MARCHF7: variants seen among roughly 807,000 people sequenced by gnomAD.
The protein encoded by MARCHF7 is membrane associated ring-CH-type finger 7, also known as E3 ubiquitin-protein ligase MARCHF7.
MARCHF7 carries 20 observed loss-of-function variants against 76.5 expected under a neutral mutation model. The ratio of observed to expected loss-of-function variants is 0.26; its 90% CI spans 0.18 to 0.38. The LOEUF is 0.38. MARCHF7 is among the 10% of genes least tolerant of loss of function. MARCHF7 has a pLI of 1.00. For synonymous variants in MARCHF7, 295 were observed against 293.0 expected, an observed-to-expected ratio of 1.01 and a Z score of -0.07; for missense variants, 797 against 812.9, an observed-to-expected ratio of 0.98 and a Z score of 0.24.
chr2:159,716,906 G>A (rs894941723), intron 3 of MARCHF7, among the ~76,000 whole-genome samples: 2 of 152,144 alleles, frequency 1.3e-5, no homozygotes, highest in African/African-American at 2.4e-5. Flanking sequence ...ACCACCTCGG[G>A]ACCTAGTGGA....
chr2:159,745,728 T>C, intron 5 of MARCHF7, 42 bp from the exon 6 acceptor site: 1 of 1,437,362 alleles, frequency 7.0e-7, no homozygotes, highest in Non-Finnish European at 9.6e-7. Context: ...TCCAAAGCCT[T>C]GAAAGCTTTC....
intron 3 of MARCHF7, among the ~76,000 whole-genome samples, chr2:159,719,244 A>G (rs992958616): frequency 2.6e-5 from 4 of 151,898 alleles, no homozygotes; most frequent in Non-Finnish European, 4.4e-5. Context: ...CGGGGTGTCA[A>G]TATGTTACCC....
Position 159,748,849 on chromosome 2 carries a change from A to C in MARCHF7, c.1559A>C (p.Lys520Thr). ...GWNSADGKSD[K>T]TKSAPSRDPE... ...AATTCAGCTGATGGTAAAAGTGATA[A>C]AACTAAAAGTGCGCCTTCAAGAGAT... The change falls in exon 7 of 12, where the codon AAA becomes ACA. Residue 520 changes from lysine to threonine, a missense_variant. Lys to Thr is a moderately conservative substitution (Grantham distance 78). Around this residue, in one of 3 missense-constraint regions of MARCHF7, gnomAD observed 643 missense variants for 631.5 expected, o/e 1.02. Transcript: ENST00000409175. The C allele has an allele frequency of 6.2e-7, 1 of 1,613,560 alleles. No homozygotes were observed.
At chr2:159,713,547 A>T (rs1360665479) in intron 1 of MARCHF7, among the ~76,000 whole-genome samples, 1 of 152,102 alleles carries the variant, frequency 6.6e-6, no homozygotes, top group Non-Finnish European at 1.5e-5. Flanking sequence ...TTAAATCTCC[A>T]CCTTTCTGTC....
At chr2:159,766,655 C>G (rs990350469) in intron 11 of MARCHF7, among the ~76,000 whole-genome samples, 2 of 152,070 alleles carry the variant, frequency 1.3e-5, no homozygotes, top group Admixed American at 6.6e-5. Context: ...AGAAATGTTG[C>G]AAAAGTGGTA....
At chr2:159,760,629 G>A (rs1216722386) in intron 9 of MARCHF7, among the ~76,000 whole-genome samples, 2 of 151,902 alleles carry the variant, frequency 1.3e-5, no homozygotes, top group Non-Finnish European at 2.9e-5. Context: ...CAAAATGAGA[G>A]TAGCTTTCAA....
chr2:159,720,108 C>T (rs1228511320), intron 3 of MARCHF7, among the ~76,000 whole-genome samples: 1 of 152,140 alleles, frequency 6.6e-6, no homozygotes, highest in Non-Finnish European at 1.5e-5. Flanking sequence ...TCACTGCAAC[C>T]TCCGCCTCCT....
chr2:159,748,169 T>G lies in MARCHF7; in HGVS notation c.879T>G (p.Thr293=), dbSNP rs1172564948. 6.2e-7 allele frequency: 1 copy of G among 1,609,544 alleles called. No individual in the cohort carries two copies. The highest frequency in any genetic ancestry group is 8.5e-7 in the Non-Finnish European group (1 of 1,178,436). ...LSRIASSMSS[T]FFSRRSSQDS... is the part of the protein sequence containing the mutation. ...GCATAGCTTCTAGCATGTCATCTAC[T>G]TTTTTTTCACGAAGATCTAGTCAGG... Residue 293 remains threonine (T), a synonymous_variant, in exon 7 of 12, where the codon ACT becomes ACG. Transcript: ENST00000409175.
chr2:159,744,956 A>T (rs1332917655), intron 5 of MARCHF7, among the ~76,000 whole-genome samples: 2 of 152,226 alleles, frequency 1.3e-5, no homozygotes. Flanking sequence ...CAATACTTTG[A>T]TTCTTAGAAT....
chr2:159,738,419 A>G (rs897734018), intron 4 of MARCHF7, among the ~76,000 whole-genome samples: 2 of 152,156 alleles, frequency 1.3e-5, no homozygotes, highest in Non-Finnish European at 2.9e-5. Flanking sequence ...TTCGAGTCCC[A>G]CCATTTGGCG....
At chr2:159,732,863 A>C in intron 4 of MARCHF7, 13 of 985,172 alleles carry the variant, frequency 1.3e-5, no homozygotes, top group Non-Finnish European at 1.6e-5. Flanking sequence ...TTCTTCTGTG[A>C]AATGGTGATA....
At chr2:159,741,229 C>T (rs1337572377) in intron 4 of MARCHF7, among the ~76,000 whole-genome samples, 1 of 151,824 alleles carries the variant, frequency 6.6e-6, no homozygotes, top group South Asian at 2.1e-4. Context: ...ATTACCTAGC[C>T]ATGATGATAT....
At chr2:159,753,293 C>T (rs1050569254) in intron 8 of MARCHF7, among the ~76,000 whole-genome samples, 5 of 151,902 alleles carry the variant, frequency 3.3e-5, no homozygotes, top group East Asian at 1.9e-4. Context: ...GATGAGAGGC[C>T]GGGCGCGGTG....
intron 8 of MARCHF7, among the ~76,000 whole-genome samples, chr2:159,755,016 A>G (rs989609500): frequency 6.6e-6 from 1 of 152,192 alleles, no homozygotes; most frequent in Non-Finnish European, 1.5e-5. Context: ...ATAGCTATGG[A>G]CTAGAGTTCA....
At chr2:159,732,941 T>G (rs1371473135) in intron 4 of MARCHF7, 6 of 984,636 alleles carry the variant, frequency 6.1e-6, no homozygotes. Flanking sequence ...TTGTTCATCT[T>G]AATTGTTAAG....
intron 3 of MARCHF7, among the ~76,000 whole-genome samples, chr2:159,718,942 A>G (rs1701324065): frequency 6.6e-6 from 1 of 152,062 alleles, no homozygotes; most frequent in Non-Finnish European, 1.5e-5. Flanking sequence ...CTGCTCTCCA[A>G]AACTGTATTT....
At chr2:159,745,341 A>G (rs1448846114) in intron 5 of MARCHF7, among the ~76,000 whole-genome samples, 6 of 152,286 alleles carry the variant, frequency 3.9e-5, no homozygotes, top group Non-Finnish European at 5.9e-5. Flanking sequence ...TAACAACTAT[A>G]TAACCGGGGA....
At chr2:159,763,453 T>C (rs780635163) in intron 10 of MARCHF7, among the ~76,000 whole-genome samples, 8 of 152,206 alleles carry the variant, frequency 5.3e-5, no homozygotes, top group African/African-American at 7.2e-5. Flanking sequence ...ATTTTAGATA[T>C]GGAATAGTTG....
intron 3 of MARCHF7, among the ~76,000 whole-genome samples, chr2:159,724,009 T>G (rs945184712): frequency 2.6e-5 from 4 of 152,156 alleles, no homozygotes; most frequent in Non-Finnish European, 5.9e-5. Context: ...GGGTTTCATA[T>G]CTTGTTATTT....
Sources: gnomAD v4.1 joint callset for allele counts (sites outside exome capture counted in the v4.1 genomes callset) on GRCh38, gnomAD v4.1.1 for gene constraint, gnomAD v4.1.1 regional missense constraint, MANE v1.5 for transcripts, NCBI Gene and HGNC (gene_info 2026-07-23, HGNC 2026-07-21) for gene names.